Variants in CPM observed in about 807,000 individuals in gnomAD.
The protein encoded by CPM is carboxypeptidase M.
Under a neutral mutation model 46.4 loss-of-function variants are expected in CPM, and 35 were observed. The ratio of observed to expected loss-of-function variants is 0.75; its 90% CI spans 0.58 to 1.00. The LOEUF (loss-of-function observed/expected upper bound fraction) is 1.00, where lower values mean the gene tolerates loss of function less well. CPM is among the 50% of genes least tolerant of loss of function. The pLI, the probability that CPM is intolerant of heterozygous loss-of-function variation, is 0.00. For missense variants in CPM, 422 were observed against 530.4 expected (o/e 0.80, Z 2.01); for synonymous variants, 195 against 195.3 (o/e 1.00, Z 0.01).
chr12:68,882,249 T>A (rs918519091), intron 3 of CPM, among the ~76,000 whole-genome samples: 1 of 151,994 alleles, frequency 6.6e-6, no homozygotes. Context: ...CCACCCTCCA[T>A]CCTCAAGTAG....
intron 2 of CPM, among the ~76,000 whole-genome samples, chr12:68,898,036 T>G (rs1886958322): frequency 6.8e-6 from 1 of 148,142 alleles, no homozygotes; most frequent in Non-Finnish European, 1.5e-5. Flanking sequence ...TTTTTTTTTG[T>G]AGAGATGGGG....
chr12:68,871,664 T>C (rs1885700536), intron 4 of CPM, 120 bp downstream of exon 4: 2 of 1,073,364 alleles, frequency 1.9e-6, no homozygotes, highest in South Asian at 1.5e-5. Flanking sequence ...ATCAGCGACA[T>C]GACACCGGCT....
chr12:68,921,819 T>A (rs1303424109), intron 2 of CPM, among the ~76,000 whole-genome samples: 2 of 152,124 alleles, frequency 1.3e-5, no homozygotes, highest in African/African-American at 4.8e-5. Flanking sequence ...GGTAACTATA[T>A]AAAAGTGTAT....
chr12:68,960,824 T>C (rs1440704435), intron 1 of CPM, among the ~76,000 whole-genome samples: 1 of 152,236 alleles, frequency 6.6e-6, no homozygotes, highest in Non-Finnish European at 1.5e-5. Context: ...ACCTTTGCTA[T>C]GACTTGTTCA....
intron 2 of CPM, among the ~76,000 whole-genome samples, chr12:68,931,762 A>G (rs867962485): frequency 0.022 from 3,278 of 148,692 alleles, 100 homozygotes; most frequent in African/African-American, 0.052. Flanking sequence ...AAAAAAAAAA[A>G]AAAAGAAAGA....
intron 3 of CPM, among the ~76,000 whole-genome samples, chr12:68,878,037 C>T (rs1886034527): frequency 6.6e-6 from 1 of 152,210 alleles, no homozygotes; most frequent in Admixed American, 6.5e-5. Context: ...TTTCTCTTTT[C>T]AACCTATATT....
rs1884957776 is a variant in CPM at position 68,856,121 on chromosome 12, C to CTTTTTGCAGGCATT, written c.*302_*315dup. On this transcript the variant is annotated 3_prime_UTR_variant, in exon 9 of 9. Transcript: ENST00000551568. ...GGTTCTCTGTATACAAAATGATCTT[C>CTTTTTGCAGGCATT]TTTTTGCAGGCATTTTTTTGCTTCT... is the stretch of plus-strand genomic sequence containing the variant. The CTTTTTGCAGGCATT allele has an allele frequency of 3.3e-6, 1 of 300,356 alleles. No individual in the cohort carries two copies. Among genetic ancestry groups the CTTTTTGCAGGCATT allele is most frequent in the Non-Finnish European group, 6.2e-6 (1 of 161,036 alleles). The allele number at this position is 300,356 out of a possible 1,614,324, so 18.6% of individuals were successfully genotyped here.
intron 2 of CPM, among the ~76,000 whole-genome samples, chr12:68,925,480 AG>A (rs2136313370): frequency 6.6e-6 from 1 of 152,364 alleles, no homozygotes; most frequent in African/African-American, 2.4e-5. Context: ...TGATCATAAC[AG>A]CGAAAGTTTA....
At chr12:68,925,338 A>C (rs1415672598) in intron 2 of CPM, among the ~76,000 whole-genome samples, 2 of 152,228 alleles carry the variant, frequency 1.3e-5, no homozygotes. Flanking sequence ...ACTATGTGCC[A>C]GGAATTATTC....
chr12:68,916,888 C>CAAAAAAA (rs779418018), intron 2 of CPM, among the ~76,000 whole-genome samples: 3 of 82,150 alleles, frequency 3.7e-5, no homozygotes, highest in African/African-American at 7.3e-5. Flanking sequence ...ACTCTTGTCT[C>CAAAAAAA]AAAAAAAAAA....
At chr12:68,901,533 A>T (rs1385715196) in intron 2 of CPM, among the ~76,000 whole-genome samples, 1 of 152,156 alleles carries the variant, frequency 6.6e-6, no homozygotes, top group Non-Finnish European at 1.5e-5. Context: ...CTCTATTTGG[A>T]AAAAAAATCA....
At chr12:68,849,417 TGTTC>T (rs1884554721), downstream of CPM, 1 of 146,736 alleles carries the variant, frequency 6.8e-6, no homozygotes, top group African/African-American at 2.5e-5. Context: ...TGTTGTTGTT[TGTTC>T]GTTTGTTTGT....
Position 68,885,885 on chromosome 12 carries a change from T to G in CPM, c.165A>C (p.Arg55Ser). ...GCCCCACAACAAGAACCCACAGGTTTCTACCTTTACAGGAAAAGAAGAAAA... is the reference window on the plus strand; with the variant it reads ...GCCCCACAACAAGAACCCACAGGTTGCTACCTTTACAGGAAAAGAAGAAAA... ...LHSIGKSVKG[R>S]NLWVLVVGRF... Residue 55 changes from arginine to serine, a missense_variant, in exon 3 of 9, where the codon AGA (arginine) becomes AGC (serine). By Grantham distance (110) the Arg-to-Ser change is moderately radical. Transcript: ENST00000551568. 4 of 1,612,840 alleles carry G rather than the reference T, an allele frequency of 2.5e-6. No homozygotes were observed. Among genetic ancestry groups the G allele is most frequent in the Non-Finnish European group, 3.4e-6 (4 of 1,179,618 alleles).
At chr12:68,904,199 A>T (rs1004265892) in intron 2 of CPM, among the ~76,000 whole-genome samples, 1 of 152,176 alleles carries the variant, frequency 6.6e-6, no homozygotes, top group African/African-American at 2.4e-5. Flanking sequence ...TCTTGAAAGG[A>T]ATCTACTTTT....
chr12:68,940,755 G>T (rs1256305393), intron 1 of CPM, among the ~76,000 whole-genome samples: 1 of 151,824 alleles, frequency 6.6e-6, no homozygotes, highest in Non-Finnish European at 1.5e-5. Context: ...TAACATGTTG[G>T]AATTGGGTTG....
intron 1 of CPM, among the ~76,000 whole-genome samples, chr12:68,942,957 G>A (rs1286125179): frequency 6.6e-6 from 1 of 152,170 alleles, no homozygotes; most frequent in African/African-American, 2.4e-5. Context: ...ATTAATTTCA[G>A]TTCAGGAAGA....
intron 1 of CPM, among the ~76,000 whole-genome samples, chr12:68,962,624 C>T (rs1320622229): frequency 6.6e-6 from 1 of 152,206 alleles, no homozygotes; most frequent in Non-Finnish European, 1.5e-5. Flanking sequence ...GCAAGGGCAT[C>T]CCAAAGTTAA....
In CPM at chr12:68,907,082, G is replaced by A. The variant is rs576978396; in HGVS notation, c.161-21193C>T. Among the ~76,000 whole-genome samples, 13 of 152,356 alleles carry A rather than the reference G, an allele frequency of 8.5e-5. 1 individual carries two copies. The highest frequency in any genetic ancestry group is 7.8e-4 in the Admixed American group (12 of 15,304). ...GAACTATAGAGCTCACACTGTGACTGAGGTCAGAGGGCTGGGTGAGAGTGC... is the reference window on the plus strand; with the variant it reads ...GAACTATAGAGCTCACACTGTGACTAAGGTCAGAGGGCTGGGTGAGAGTGC... On this transcript the variant is annotated intron_variant, in intron 2 of 8. Coordinates refer to ENST00000551568, the MANE Select transcript of CPM (RefSeq NM_198320.5).
intron 1 of CPM, among the ~76,000 whole-genome samples, chr12:68,955,203 T>G (rs1010596770): frequency 2.0e-5 from 3 of 152,160 alleles, no homozygotes; most frequent in African/African-American, 7.2e-5. Context: ...CCACAGAGGC[T>G]TCCAGCTGGA....
Sources: allele counts gnomAD v4.1 joint callset (sites outside exome capture counted in the v4.1 genomes callset), GRCh38; gene constraint gnomAD v4.1.1; transcripts MANE v1.5; gene names NCBI Gene and HGNC (gene_info 2026-07-23, HGNC 2026-07-21).